GPBP1: variants seen among roughly 807,000 people sequenced by gnomAD.
GPBP1 encodes the protein GC-rich promoter binding protein 1, also known as vasculin.
In GPBP1, 13 loss-of-function variants were observed where a neutral mutation model predicts 56.5. That is an observed-to-expected ratio of 0.23 (90% confidence interval 0.15 to 0.37). The LOEUF is 0.37. GPBP1 is among the 10% of genes least tolerant of loss of function. The probability of loss-of-function intolerance (pLI) is 1.00; values close to 1 mark genes in which losing one functional copy is unlikely to be tolerated. For synonymous variants in GPBP1, 204 were observed against 188.9 expected (o/e 1.08, Z -0.66); for missense variants, 477 against 572.3 (o/e 0.83, Z 1.70).
chr5:57,217,348 G>C (rs76337864), intron 3 of GPBP1, among the ~76,000 whole-genome samples: 2 of 151,886 alleles, frequency 1.3e-5, no homozygotes, highest in Admixed American at 1.3e-4. Context: ...CGAGGCGGGC[G>C]GATCACCTGA....
rs1756443665 is a variant in GPBP1, at chr5:57,231,203, G to T, written c.293G>T (p.Arg98Leu). The T allele has an allele frequency of 6.2e-7, 1 of 1,614,120 alleles. No homozygotes were observed. The highest frequency in any genetic ancestry group is 8.5e-7 in the Non-Finnish European group (1 of 1,179,976). Residue 98 changes from arginine (R) to leucine (L), a missense_variant, in exon 5 of 12, where the codon CGT becomes CTT. This residue lies in a region of GPBP1 where 414 missense variants were observed against 458.2 expected (regional missense o/e 0.90). Transcript: ENST00000506184. ...GGYHGGSSRSRSSIFHAGKSQ... is the reference protein window; with the variant it reads ...GGYHGGSSRSLSSIFHAGKSQ... Reference sequence around the variant, plus strand: ...TACCATGGTGGAAGTTCCCGTTCTCGTAGCAGTATTTTCCATGCAGGAAAA... The same window carrying T: ...TACCATGGTGGAAGTTCCCGTTCTCTTAGCAGTATTTTCCATGCAGGAAAA...
At chr5:57,254,615 A>C (rs559727104) in intron 10 of GPBP1, among the ~76,000 whole-genome samples, 1 of 152,074 alleles carries the variant, frequency 6.6e-6, no homozygotes, top group East Asian at 1.9e-4. Flanking sequence ...GAATCACTTG[A>C]ATCTGGGAGG....
intron 2 of GPBP1, among the ~76,000 whole-genome samples, chr5:57,207,458 C>T (rs1755279444): frequency 6.6e-6 from 1 of 152,072 alleles, no homozygotes; most frequent in Admixed American, 6.5e-5. Context: ...GCAGACAGGG[C>T]AGGCTGTGGG....
At chr5:57,208,662 T>C (rs1453384151) in intron 2 of GPBP1, among the ~76,000 whole-genome samples, 5 of 148,700 alleles carry the variant, frequency 3.4e-5, no homozygotes, top group East Asian at 3.9e-4. Flanking sequence ...TTTCTTTTTT[T>C]TTTTTTTTTT....
rs2111607586 is a variant in GPBP1, at chr5:57,186,596, G to C, written c.-58+10196G>C. 1.3e-5 allele frequency among the ~76,000 whole-genome samples: 2 copies of C among 152,038 alleles called. 1 individual carries two copies. The highest frequency in any genetic ancestry group is 2.9e-5 in the Non-Finnish European group (2 of 67,982). Reference sequence around the variant, plus strand: ...ACTTTTTGGGGGGTGGGGTACACAGGGTCTCACTCTGTCACCCAGGCTGGA... The same window carrying C: ...ACTTTTTGGGGGGTGGGGTACACAGCGTCTCACTCTGTCACCCAGGCTGGA... On this transcript the variant is annotated intron_variant, in intron 2 of 11. Coordinates refer to ENST00000506184, the MANE Select transcript of GPBP1 (RefSeq NM_022913.4).
Position 57,246,291 on chromosome 5 carries a change from T to C in GPBP1, c.479-9T>C. 1 of 1,605,208 alleles carries C rather than the reference T, an allele frequency of 6.2e-7. No homozygotes were observed. The highest frequency in any genetic ancestry group is 8.5e-7 in the Non-Finnish European group (1 of 1,174,870). On this transcript the variant is annotated splice_polypyrimidine_tract_variant and intron_variant, in intron 6 of 11. Coordinates refer to ENST00000506184, the MANE Select transcript of GPBP1 (RefSeq NM_022913.4). The stretch of plus-strand genomic sequence containing the variant: ...GTGAGTGACTCTTGGTCATGCTTTA[T>C]TTATGCAGAATATCCTCCGAATCCT...
intron 3 of GPBP1, among the ~76,000 whole-genome samples, chr5:57,228,021 A>G (rs1219080785): frequency 6.6e-6 from 1 of 152,230 alleles, no homozygotes; most frequent in Non-Finnish European, 1.5e-5. Flanking sequence ...TTGCTAGATA[A>G]AAGACTAATA....
intron 2 of GPBP1, among the ~76,000 whole-genome samples, chr5:57,200,170 C>T (rs867711767): frequency 1.4e-5 from 2 of 143,564 alleles, no homozygotes; most frequent in African/African-American, 5.1e-5. Context: ...CCTTTCCTTC[C>T]TCTCTTTCCT....
At chr5:57,254,189 G>A (rs1267316967) in intron 10 of GPBP1, among the ~76,000 whole-genome samples, 1 of 152,174 alleles carries the variant, frequency 6.6e-6, no homozygotes, top group African/African-American at 2.4e-5. Flanking sequence ...GCCTCCCAGA[G>A]TGCTGGGATT....
intron 6 of GPBP1, among the ~76,000 whole-genome samples, chr5:57,240,471 G>A (rs1221188526): frequency 6.6e-6 from 1 of 152,078 alleles, no homozygotes; most frequent in Non-Finnish European, 1.5e-5. Context: ...TAGTGGAGTT[G>A]GAATGGTAAA....
chr5:57,239,814 G>A (rs895623396), intron 6 of GPBP1, among the ~76,000 whole-genome samples: 1 of 152,008 alleles, frequency 6.6e-6, no homozygotes, highest in African/African-American at 2.4e-5. Context: ...CATTCAAACA[G>A]CACCAATTGT....
At chr5:57,194,162 T>A (rs1181809715) in intron 2 of GPBP1, among the ~76,000 whole-genome samples, 3 of 152,222 alleles carry the variant, frequency 2.0e-5, no homozygotes, top group African/African-American at 7.2e-5. Context: ...TAGACCTCTA[T>A]TGATGTATAT....
chr5:57,199,957 C>G (rs1040657569), intron 2 of GPBP1, among the ~76,000 whole-genome samples: 1 of 145,974 alleles, frequency 6.9e-6, no homozygotes. Flanking sequence ...TTCAAGTGAT[C>G]TACCTGCCGC....
At chr5:57,191,552 CT>C (rs1056455276) in intron 2 of GPBP1, among the ~76,000 whole-genome samples, 1 of 110,806 alleles carries the variant, frequency 9.0e-6, no homozygotes, top group African/African-American at 3.5e-5. Flanking sequence ...ATACATTTAT[CT>C]TTAGGTTTTT....
At chr5:57,244,248 A>G (rs1005128132) in intron 6 of GPBP1, among the ~76,000 whole-genome samples, 3 of 152,168 alleles carry the variant, frequency 2.0e-5, no homozygotes, top group Admixed American at 2.0e-4. Context: ...TGTACACTCT[A>G]AATTGAAACT....
At chr5:57,185,556 A>AC (rs1163575741) in intron 2 of GPBP1, among the ~76,000 whole-genome samples, 1 of 152,182 alleles carries the variant, frequency 6.6e-6, no homozygotes, top group African/African-American at 2.4e-5. Flanking sequence ...GGCGTGAGCC[A>AC]CTACGCCTGG....
intron 7 of GPBP1, 143 bp from the exon 8 acceptor site, chr5:57,246,932 T>G: frequency 1.8e-6 from 1 of 553,002 alleles, no homozygotes; most frequent in Non-Finnish European, 3.0e-6. Context: ...CAGAGAACTA[T>G]GTAGGAATAA....
chr5:57,241,675 T>A (rs1580063711), intron 6 of GPBP1, among the ~76,000 whole-genome samples: 3 of 152,314 alleles, frequency 2.0e-5, no homozygotes, highest in South Asian at 2.1e-4. Context: ...GTTCTGAAAT[T>A]TGAACATGAG....
chr5:57,192,753 CAAA>C (rs70999061), intron 2 of GPBP1, among the ~76,000 whole-genome samples: 5 of 103,242 alleles, frequency 4.8e-5, no homozygotes, highest in Non-Finnish European at 5.4e-5. Context: ...AACTCCGTCT[CAAA>C]AAAAAAAAAA....
Sources: gnomAD v4.1 joint callset for allele counts (sites outside exome capture counted in the v4.1 genomes callset) on GRCh38, gnomAD v4.1.1 for gene constraint, gnomAD v4.1.1 regional missense constraint, MANE v1.5 for transcripts, NCBI Gene and HGNC (gene_info 2026-07-23, HGNC 2026-07-21) for gene names.